Variants in EML6 observed in about 807,000 individuals in gnomAD.
EML6 encodes echinoderm microtubule-associated protein-like 6.
EML6 carries 154 observed loss-of-function variants against 240.1 expected under a neutral mutation model. That is an observed-to-expected ratio of 0.64 (90% CI 0.56 to 0.73). The LOEUF is 0.73. Ranked by LOEUF, EML6 falls within the 30% of genes least tolerant of loss-of-function variation. The pLI is 0.00. For synonymous variants in EML6, 1,148 were observed against 899.0 expected (o/e 1.28, Z -4.95); for missense variants, 2,964 against 2,474.6 (o/e 1.20, Z -4.20).
chr2:54,959,412 C>T (rs1676392324), intron 34 of EML6, among the ~76,000 whole-genome samples, 151 bp downstream of exon 34: 1 of 152,190 alleles, frequency 6.6e-6, no homozygotes, highest in African/African-American at 2.4e-5. Flanking sequence ...TCCAAGAGGG[C>T]CCTAAGTCAA....
In EML6 at chr2:54,879,501, G is replaced by A. The variant is rs7594320; in HGVS notation, c.2345-46G>A. The stretch of plus-strand genomic sequence containing the variant: ...CTCTTTACAGTGTATGAAATGTTTT[G>A]TTTTTTCATGGAAGAAATTTTGACA... On this transcript the variant is annotated intron_variant, in intron 16 of 41. Coordinates refer to ENST00000356458, the MANE Select transcript of EML6 (RefSeq NM_001039753.4). The A allele has an allele frequency of 1.0e-2, 12,905 of 1,291,210 alleles. 833 individuals are homozygous for A. The African/African-American group carries it at 0.15, about 15-fold the overall frequency. The allele number at this position is 1,291,210 out of a possible 1,614,324, so 80.0% of individuals were successfully genotyped here. A position where few individuals can be genotyped will look rare whatever the true frequency, so the allele number is the denominator to read the frequency against.
At chr2:54,886,747 ATT>A (rs1672167850) in intron 17 of EML6, among the ~76,000 whole-genome samples, 1 of 152,214 alleles carries the variant, frequency 6.6e-6, no homozygotes, top group South Asian at 2.1e-4. Flanking sequence ...GAATAGAGTG[ATT>A]TGTCTTTTTA....
At chr2:54,906,033 G>A (rs771829273) in intron 24 of EML6, among the ~76,000 whole-genome samples, 1 of 152,196 alleles carries the variant, frequency 6.6e-6, no homozygotes. Context: ...AGTATTTGAG[G>A]TATATGCCCA....
At chr2:54,937,227 G>A (rs773913148) in intron 28 of EML6, among the ~76,000 whole-genome samples, 165 of 151,238 alleles carry the variant, frequency 1.1e-3, no homozygotes, top group Non-Finnish European at 1.7e-3. Context: ...GTGGTGAGCC[G>A]AGATCAAGCC....
At chr2:54,777,934 A>C (rs1668671279) in intron 2 of EML6, among the ~76,000 whole-genome samples, 1 of 152,238 alleles carries the variant, frequency 6.6e-6, no homozygotes, top group Non-Finnish European at 1.5e-5. Flanking sequence ...TTACATATGA[A>C]AAAATACCAC....
chr2:54,950,886 C>T, intron 30 of EML6, 107 bp downstream of exon 30: 1 of 1,172,390 alleles, frequency 8.5e-7, no homozygotes, highest in Non-Finnish European at 1.2e-6. Context: ...CCTTATAGAG[C>T]CATTCCCCCC....
chr2:54,952,423 C>G (rs1676028528), intron 30 of EML6, among the ~76,000 whole-genome samples, 171 bp from the exon 31 acceptor site: 1 of 152,084 alleles, frequency 6.6e-6, no homozygotes, highest in Admixed American at 6.5e-5. Flanking sequence ...TATGAACATT[C>G]CAAAAAAACG....
At chr2:54,928,846 T>G in intron 28 of EML6, 95 bp downstream of exon 28, 1 of 1,408,222 alleles carries the variant, frequency 7.1e-7, no homozygotes, top group Non-Finnish European at 9.7e-7. Flanking sequence ...AAAGTTGCTG[T>G]TTAAGTCAGT....
At chr2:54,928,811 G>A in intron 28 of EML6, 60 bp downstream of exon 28, 1 of 1,545,268 alleles carries the variant, frequency 6.5e-7, no homozygotes, top group East Asian at 2.4e-5. Flanking sequence ...ACTTGTTTAA[G>A]CCAGAGTGCG....
At chr2:54,962,798 A>G in intron 36 of EML6, 87 bp downstream of exon 36, 2 of 1,171,990 alleles carry the variant, frequency 1.7e-6, no homozygotes, top group Non-Finnish European at 2.3e-6. Context: ...AGCCAGCGTC[A>G]TGGCAGAGAC....
intron 7 of EML6, among the ~76,000 whole-genome samples, chr2:54,837,551 C>T (rs1213399993): frequency 6.6e-6 from 1 of 152,194 alleles, no homozygotes; most frequent in Non-Finnish European, 1.5e-5. Flanking sequence ...CGACTTCTCA[C>T]AGGTGCTACT....
chr2:54,824,201 G>C (rs1009876037), intron 5 of EML6, among the ~76,000 whole-genome samples: 2 of 151,920 alleles, frequency 1.3e-5, no homozygotes, highest in East Asian at 3.9e-4. Flanking sequence ...CTTTTAAATC[G>C]GTAAATTCTA....
chr2:54,788,236 C>T (rs1217455162), intron 2 of EML6, among the ~76,000 whole-genome samples: 1 of 152,256 alleles, frequency 6.6e-6, no homozygotes, highest in African/African-American at 2.4e-5. Flanking sequence ...CTCCCGCTTC[C>T]TGTTGGCCTG....
intron 2 of EML6, among the ~76,000 whole-genome samples, chr2:54,756,588 C>A (rs10201670): frequency 0.16 from 24,076 of 151,720 alleles, 2,094 homozygotes; most frequent in South Asian, 0.21. Flanking sequence ...TTAAAAAAAT[C>A]TTTTTTTAAG....
intron 2 of EML6, among the ~76,000 whole-genome samples, chr2:54,735,306 C>T (rs141683387): frequency 2.6e-5 from 4 of 152,318 alleles, no homozygotes; most frequent in East Asian, 3.9e-4. Flanking sequence ...TGTCCCTGTG[C>T]CTAGCACCTT....
Position 54,892,455 on chromosome 2 carries a change from T to C in EML6, c.2541T>C (p.Gly847=). Residue 847 remains glycine, a splice_region_variant and synonymous_variant, in exon 19 of 42, where the codon GGT becomes GGC. Transcript: ENST00000356458. ...IKHIKFWQQA[G]GGFTSKRGTF... Reference sequence around the variant, plus strand: ...ATAACTGTTCTTGGTCCACTCTAGGTGGGGGCTTCACTTCTAAAAGAGGAA... The same window carrying C: ...ATAACTGTTCTTGGTCCACTCTAGGCGGGGGCTTCACTTCTAAAAGAGGAA... 4 of 1,549,972 alleles carry C rather than the reference T, an allele frequency of 2.6e-6. No homozygotes were observed. Among genetic ancestry groups the C allele is most frequent in the Non-Finnish European group, 3.5e-6 (4 of 1,145,548 alleles).
intron 28 of EML6, among the ~76,000 whole-genome samples, chr2:54,936,889 A>AT (rs888445236): frequency 4.4e-4 from 66 of 150,522 alleles, no homozygotes; most frequent in African/African-American, 1.5e-3. Context: ...CCTAAAGCAT[A>AT]TTTTTTTCCT....
exon 1 of EML6, chr2:54,723,659 CCCAGTGACGAAGT>C (rs1203851873): frequency 6.6e-6 from 1 of 152,300 alleles, no homozygotes; most frequent in Non-Finnish European, 1.5e-5. Flanking sequence ...CCCGCGGCGC[CCCAGTGACGAAGT>C]CCATCCCCGG....
intron 10 of EML6, among the ~76,000 whole-genome samples, chr2:54,851,749 T>C (rs1259354531): frequency 6.6e-6 from 1 of 152,184 alleles, no homozygotes; most frequent in Non-Finnish European, 1.5e-5. Context: ...AATGTGTACC[T>C]AAAAAGTTGA....
Sources: gnomAD v4.1 joint callset for allele counts (sites outside exome capture counted in the v4.1 genomes callset) on GRCh38, gnomAD v4.1.1 for gene constraint, MANE v1.5 for transcripts, NCBI Gene and HGNC (gene_info 2026-07-23, HGNC 2026-07-21) for gene names.